ZFHX3: variants seen among roughly 807,000 people sequenced by gnomAD.
The protein encoded by ZFHX3 is zinc finger homeobox 3, also known as zinc finger homeobox protein 3.
Under a neutral mutation model 279.1 loss-of-function variants are expected in ZFHX3, and 42 were observed. The observed-to-expected ratio is 0.15, with a 90% confidence interval of 0.12 to 0.19. The LOEUF (loss-of-function observed/expected upper bound fraction) is 0.19, where lower values mean the gene tolerates loss of function less well. Ranked by LOEUF, ZFHX3 falls within the 10% of genes least tolerant of loss-of-function variation. ZFHX3 has a pLI of 1.00. For missense variants in ZFHX3, 4,981 were observed against 4,754.0 expected, an observed-to-expected ratio of 1.05 and a Z score of -1.40; for synonymous variants, 2,293 against 1,957.8, an observed-to-expected ratio of 1.17 and a Z score of -4.52.
At chr16:73,474,368 C>T (rs914545357) in intron 2 of ZFHX3, among the ~76,000 whole-genome samples, 7 of 152,240 alleles carry the variant, frequency 4.6e-5, no homozygotes, top group African/African-American at 1.7e-4. Context: ...AGGCCGGTCT[C>T]GAACTCCTGA....
At chr16:73,850,996 T>C (rs1477939870) in intron 1 of ZFHX3, among the ~76,000 whole-genome samples, 2 of 152,144 alleles carry the variant, frequency 1.3e-5, no homozygotes, top group Admixed American at 1.3e-4. Flanking sequence ...CATTATTTTA[T>C]CCTTTTTTTC....
intron 2 of ZFHX3, among the ~76,000 whole-genome samples, chr16:73,648,245 A>G (rs776088910): frequency 5.9e-5 from 9 of 152,232 alleles, no homozygotes; most frequent in Non-Finnish European, 1.0e-4. Flanking sequence ...GAAATAATCT[A>G]AATTACTCAT....
chr16:73,473,597 G>A lies in ZFHX3; in HGVS notation c.-1546-17339C>T, dbSNP rs1167434819. Reference sequence around the variant, plus strand: ...TCGGTGCCACCCACTGACTTATTCCGTGGAATTGGGTGGGTTCCTGCTTCC... The same window carrying A: ...TCGGTGCCACCCACTGACTTATTCCATGGAATTGGGTGGGTTCCTGCTTCC... On this transcript the variant is annotated intron_variant, in intron 2 of 17. Transcript: ENST00000641206. Among the ~76,000 whole-genome samples, 4 of 152,118 alleles carry A rather than the reference G, an allele frequency of 2.6e-5. No homozygotes were observed. The South Asian group carries it at 6.2e-4, about 24-fold the overall frequency.
chr16:73,096,140 C>T (rs1286347867), intron 7 of ZFHX3, among the ~76,000 whole-genome samples: 2 of 152,094 alleles, frequency 1.3e-5, no homozygotes, highest in East Asian at 3.9e-4. Context: ...TTACAGTCCC[C>T]CAGGGACCTG....
chr16:73,241,840 G>A (rs1395229891), intron 5 of ZFHX3, among the ~76,000 whole-genome samples: 5 of 146,036 alleles, frequency 3.4e-5, no homozygotes, highest in South Asian at 2.2e-4. Context: ...TTCTTACTAC[G>A]TCTTATTAAA....
chr16:73,752,801 G>A (rs536523363), intron 1 of ZFHX3, among the ~76,000 whole-genome samples: 198 of 152,186 alleles, frequency 1.3e-3, no homozygotes, highest in African/African-American at 4.6e-3. Flanking sequence ...ACCAATATCC[G>A]ACATCATCTC....
intron 2 of ZFHX3, among the ~76,000 whole-genome samples, chr16:73,514,850 T>C (rs1490334312): frequency 6.6e-6 from 1 of 152,144 alleles, no homozygotes; most frequent in African/African-American, 2.4e-5. Context: ...ACATGAACTT[T>C]CAATGTGCCT....
At chr16:73,290,322 G>A (rs1394385414) in intron 4 of ZFHX3, among the ~76,000 whole-genome samples, 3 of 152,136 alleles carry the variant, frequency 2.0e-5, no homozygotes, top group Non-Finnish European at 4.4e-5. Context: ...AAGCTCATCT[G>A]GGAGGTCAGG....
intron 1 of ZFHX3, among the ~76,000 whole-genome samples, chr16:73,682,994 AG>A (rs1567550831): frequency 2.3e-5 from 1 of 43,626 alleles, no homozygotes; most frequent in Non-Finnish European, 5.9e-5. Flanking sequence ...AAGAAAGAAA[AG>A]AAAGAAAGAA....
chr16:73,727,101 G>A (rs1310229273), intron 1 of ZFHX3, among the ~76,000 whole-genome samples: 1 of 152,200 alleles, frequency 6.6e-6, no homozygotes, highest in Non-Finnish European at 1.5e-5. Flanking sequence ...GGTGGATGTG[G>A]AACCAGTGGC....
chr16:73,048,941 T>C (rs1463136157), upstream of ZFHX3, among the ~76,000 whole-genome samples: 27 of 152,174 alleles, frequency 1.8e-4, no homozygotes, highest in Admixed American at 1.7e-3. Flanking sequence ...CTCCTTAGCC[T>C]CACCTTATAA....
chr16:73,672,895 TA>T lies in ZFHX3; in HGVS notation c.-1547+7284del, dbSNP rs760972232. ...ATTATTTTTATTAGATAGATTGTTTTAAATTTAATTGATAGATTACAAAAAC... is the reference window on the plus strand; with the variant it reads ...ATTATTTTTATTAGATAGATTGTTTTAATTTAATTGATAGATTACAAAAAC... On this transcript the variant is annotated intron_variant, in intron 2 of 17. Coordinates refer to the ZFHX3 transcript ENST00000641206. Among the ~76,000 whole-genome samples the T allele has an allele frequency of 8.5e-5, 13 of 152,306 alleles. No homozygotes were observed. The East Asian group carries it at 1.9e-3, about 23-fold the overall frequency.
intron 5 of ZFHX3, chr16:73,232,644 A>C (rs754847461): frequency 5.3e-5 from 8 of 152,148 alleles, no homozygotes; most frequent in Non-Finnish European, 1.0e-4. Context: ...TTGCTCTGGG[A>C]GTGCAAAGTG....
At chr16:73,745,564 A>G (rs2053696116) in intron 1 of ZFHX3, among the ~76,000 whole-genome samples, 1 of 152,190 alleles carries the variant, frequency 6.6e-6, no homozygotes, top group Non-Finnish European at 1.5e-5. Flanking sequence ...TTAAAATTCA[A>G]CTTTACAAAA....
intron 4 of ZFHX3, among the ~76,000 whole-genome samples, chr16:73,275,805 C>T (rs2014280457): frequency 1.3e-5 from 2 of 152,146 alleles, no homozygotes; most frequent in South Asian, 2.1e-4. Context: ...AGGGTTGCCA[C>T]AAATCTTCAA....
At chr16:73,070,248 T>G (rs991167773) in intron 8 of ZFHX3, among the ~76,000 whole-genome samples, 3 of 152,202 alleles carry the variant, frequency 2.0e-5, no homozygotes, top group Admixed American at 1.3e-4. Context: ...TTCTGTTTCC[T>G]AATGTTGATA....
chr16:73,050,858 G>T (rs1381693962), upstream of ZFHX3, among the ~76,000 whole-genome samples: 1 of 152,270 alleles, frequency 6.6e-6, no homozygotes. Context: ...CAGCCGAAAG[G>T]ATAAATATTT....
chr16:73,185,072 T>A (rs1438254307), intron 5 of ZFHX3, among the ~76,000 whole-genome samples: 1 of 151,924 alleles, frequency 6.6e-6, no homozygotes, highest in African/African-American at 2.4e-5. Flanking sequence ...TGACTTCCTA[T>A]GCTCAAGTGA....
chr16:72,870,214 A>T (rs1377717838), intron 4 of ZFHX3, among the ~76,000 whole-genome samples: 1 of 151,916 alleles, frequency 6.6e-6, no homozygotes, highest in Non-Finnish European at 1.5e-5. Context: ...CAATGTGGTG[A>T]GACATCATCT....
Sources: gnomAD v4.1 joint callset for allele counts (sites outside exome capture counted in the v4.1 genomes callset) on GRCh38, gnomAD v4.1.1 for gene constraint, MANE v1.5 for transcripts, NCBI Gene and HGNC (gene_info 2026-07-23, HGNC 2026-07-21) for gene names.